Variants in LYPLAL1 observed in about 807,000 individuals in gnomAD.
LYPLAL1 encodes lysophospholipase like 1.
Under a neutral mutation model 19.7 loss-of-function variants are expected in LYPLAL1, and 23 were observed. That is an observed-to-expected ratio of 1.17 (90% CI 0.84 to 1.65). LYPLAL1 has a LOEUF of 1.65. Ranked by LOEUF, LYPLAL1 falls within the 40% of genes most tolerant of loss-of-function variation. The probability of loss-of-function intolerance (pLI) is 0.00; values close to 1 mark genes in which losing one functional copy is unlikely to be tolerated. For missense variants in LYPLAL1, 355 were observed against 279.4 expected (o/e 1.27, Z -1.93); for synonymous variants, 119 against 96.3 (o/e 1.24, Z -1.38).
downstream of LYPLAL1, among the ~76,000 whole-genome samples, chr1:219,216,723 C>G (rs1659302723): frequency 6.6e-6 from 1 of 152,018 alleles, no homozygotes; most frequent in Non-Finnish European, 1.5e-5. Flanking sequence ...GTGCAGTACT[C>G]TACTCTGTGA....
the LYPLAL1 span, among the ~76,000 whole-genome samples, chr1:219,364,650 T>A: frequency 6.6e-6 from 1 of 152,132 alleles, no homozygotes; most frequent in Admixed American, 6.6e-5. Flanking sequence ...TCAATAAATA[T>A]TTTTTGGGGA....
the LYPLAL1 span, among the ~76,000 whole-genome samples, chr1:219,363,672 G>A: frequency 6.6e-6 from 1 of 152,102 alleles, no homozygotes; most frequent in Non-Finnish European, 1.5e-5. Context: ...ACTGATCCTT[G>A]TCTACCACTT....
chr1:219,342,296 G>A, the LYPLAL1 span, among the ~76,000 whole-genome samples: 83 of 152,212 alleles, frequency 5.5e-4, no homozygotes, highest in African/African-American at 1.9e-3. Flanking sequence ...AGCTTTAGGA[G>A]GGAGATAGAG....
chr1:219,411,015 A>G, the LYPLAL1 span, among the ~76,000 whole-genome samples: 18 of 151,974 alleles, frequency 1.2e-4, no homozygotes, highest in Admixed American at 2.6e-4. Context: ...CCCATCAACC[A>G]CCCAAGGGCT....
chr1:219,316,618 A>G, the LYPLAL1 span, among the ~76,000 whole-genome samples: 2 of 152,194 alleles, frequency 1.3e-5, no homozygotes, highest in African/African-American at 2.4e-5. Flanking sequence ...AGTATTTACA[A>G]TAACTAAAAT....
Position 219,193,230 on chromosome 1 carries a change from A to AGAGTGAACAGAC in LYPLAL1, c.340_341insGAGTGAACAGAC (p.Lys114delinsArgValAsnArgGln). ...TGATGAAGAAGTAAAAAGTGGCATC[A>AGAGTGAACAGAC]AGAAGAACAGGATATTAATAGGTAA... On this transcript the variant is annotated protein_altering_variant, in exon 3 of 5. Coordinates refer to ENST00000366928, the MANE Select transcript of LYPLAL1 (RefSeq NM_138794.5). 6.2e-7 allele frequency: 1 copy of AGAGTGAACAGAC among 1,609,936 alleles called. No individual in the cohort carries two copies. Among genetic ancestry groups the AGAGTGAACAGAC allele is most frequent in the Non-Finnish European group, 8.5e-7 (1 of 1,177,352 alleles).
chr1:219,382,532 T>C, the LYPLAL1 span, among the ~76,000 whole-genome samples: 2 of 152,082 alleles, frequency 1.3e-5, no homozygotes, highest in African/African-American at 4.8e-5. Context: ...GCTAACCTTT[T>C]TTTGGATTTT....
At chr1:219,357,304 T>C in the LYPLAL1 span, among the ~76,000 whole-genome samples, 2 of 152,180 alleles carry the variant, frequency 1.3e-5, no homozygotes, top group East Asian at 3.8e-4. Flanking sequence ...TGTACTTCAA[T>C]ATGTGGCAAC....
chr1:219,232,028 T>C, the LYPLAL1 span, among the ~76,000 whole-genome samples: 3 of 152,228 alleles, frequency 2.0e-5, no homozygotes, highest in Non-Finnish European at 2.9e-5. Context: ...AAATTATATA[T>C]GTTTCTGCCA....
downstream of LYPLAL1, among the ~76,000 whole-genome samples, chr1:219,217,423 A>G (rs1257183979): frequency 1.4e-5 from 1 of 69,022 alleles, no homozygotes. Flanking sequence ...ATGGTTGTAA[A>G]TCTTTCTTCA....
Position 219,203,402 on chromosome 1 carries a change from A to ATT in LYPLAL1, c.362-7129_362-7128insTT, listed in dbSNP as rs1236044282. Among the ~76,000 whole-genome samples the ATT allele has an allele frequency of 4.6e-5, 7 of 152,228 alleles. No individual in the cohort carries two copies. The East Asian group carries it at 1.4e-3, about 29-fold the overall frequency. On this transcript the variant is annotated intron_variant, in intron 3 of 4. Transcript: ENST00000366928. ...ACTAAATTTTATTTTCAAATTGTCA[A>ATT]TAAAATGTTATGTGCTGGAGTATAA... is the stretch of plus-strand genomic sequence containing the variant.
the LYPLAL1 span, among the ~76,000 whole-genome samples, chr1:219,372,454 C>A: frequency 6.6e-6 from 1 of 152,120 alleles, no homozygotes; most frequent in Non-Finnish European, 1.5e-5. Flanking sequence ...GCAAAAAACT[C>A]TTAATTCAGA....
the LYPLAL1 span, among the ~76,000 whole-genome samples, chr1:219,364,358 T>C: frequency 6.6e-6 from 1 of 152,162 alleles, no homozygotes; most frequent in Admixed American, 6.5e-5. Context: ...TCTGCCTATT[T>C]TCCATTTCTC....
chr1:219,247,036 T>A, the LYPLAL1 span, among the ~76,000 whole-genome samples: 1 of 152,340 alleles, frequency 6.6e-6, no homozygotes, highest in Admixed American at 6.5e-5. Context: ...ATTTGAAAAG[T>A]GAGGATAATA....
At chr1:219,412,832 G>A in the LYPLAL1 span, among the ~76,000 whole-genome samples, 1 of 152,136 alleles carries the variant, frequency 6.6e-6, no homozygotes, top group Non-Finnish European at 1.5e-5. Context: ...TCCACGCTAA[G>A]AATTTACATT....
chr1:219,183,310 G>A (rs1209846369), intron 2 of LYPLAL1, among the ~76,000 whole-genome samples: 1 of 151,956 alleles, frequency 6.6e-6, no homozygotes, highest in African/African-American at 2.4e-5. Flanking sequence ...TTGGAGTTCT[G>A]TAGTTTTTTG....
the LYPLAL1 span, among the ~76,000 whole-genome samples, chr1:219,232,337 A>T: frequency 2.8e-4 from 25 of 89,320 alleles, no homozygotes; most frequent in South Asian, 1.4e-3. Context: ...CATACTTTTT[A>T]AAAAAAATAG....
At chr1:219,441,711 C>T in the LYPLAL1 span, among the ~76,000 whole-genome samples, 1 of 152,168 alleles carries the variant, frequency 6.6e-6, no homozygotes, top group Non-Finnish European at 1.5e-5. Context: ...GAGTCATCTG[C>T]TCTTATAGCA....
At chr1:219,314,331 C>CAT in the LYPLAL1 span, among the ~76,000 whole-genome samples, 2 of 152,232 alleles carry the variant, frequency 1.3e-5, no homozygotes, top group African/African-American at 4.8e-5. Context: ...TTCCTTTGGG[C>CAT]ATATACCCAA....
Sources: gnomAD v4.1 joint callset for allele counts (sites outside exome capture counted in the v4.1 genomes callset) on GRCh38, gnomAD v4.1.1 for gene constraint, MANE v1.5 for transcripts, NCBI Gene and HGNC (gene_info 2026-07-23, HGNC 2026-07-21) for gene names.